The following STK17A variants were observed in gnomAD, a reference collection of about 807,000 sequenced individuals.
STK17A encodes serine/threonine kinase 17a.
A neutral mutation model predicts 43.7 loss-of-function variants in STK17A; 26 were observed. The observed-to-expected ratio is 0.60, with a 90% confidence interval of 0.44 to 0.83. STK17A has a LOEUF of 0.83. STK17A is among the 40% of genes least tolerant of loss of function. STK17A has a pLI of 0.00. For synonymous variants in STK17A, 191 were observed against 182.5 expected (o/e 1.05, Z -0.38); for missense variants, 476 against 511.6 (o/e 0.93, Z 0.67).
At chr7:43,617,015 T>C (rs148963610) in intron 3 of STK17A, among the ~76,000 whole-genome samples, 10 of 152,360 alleles carry the variant, frequency 6.6e-5, no homozygotes, top group African/African-American at 2.4e-4. Context: ...AAGTTGAGAC[T>C]AGGCAAAGAA....
At chr7:43,615,101 T>C (rs758600534) in intron 3 of STK17A, among the ~76,000 whole-genome samples, 5 of 152,250 alleles carry the variant, frequency 3.3e-5, no homozygotes, top group Non-Finnish European at 5.9e-5. Flanking sequence ...TATGTATCAC[T>C]GAACCAAAGC....
At chr7:43,600,589 G>C (rs536429714) in intron 2 of STK17A, among the ~76,000 whole-genome samples, 1 of 152,134 alleles carries the variant, frequency 6.6e-6, no homozygotes, top group Admixed American at 6.5e-5. Flanking sequence ...TTTAAAATAA[G>C]TTGTGAATTT....
chr7:43,614,613 GC>G (rs2083180311), intron 3 of STK17A, among the ~76,000 whole-genome samples: 1 of 152,144 alleles, frequency 6.6e-6, no homozygotes, highest in South Asian at 2.1e-4. Flanking sequence ...TCAAAATTGG[GC>G]ACAGTTAGTT....
rs2084605796 is a variant in STK17A at position 43,626,866 on chromosome 7, T to G, written c.*2024T>G. On this transcript the variant is annotated 3_prime_UTR_variant, in exon 7 of 7. Coordinates refer to ENST00000319357, the MANE Select transcript of STK17A (RefSeq NM_004760.3). ...TGCGTATCTTTAGCTGCTGTTGTGC[T>G]TAAATACTGAGTCATAGGGTGCTTT... is the stretch of plus-strand genomic sequence containing the variant. 1 of 152,250 alleles carries G rather than the reference T, an allele frequency of 6.6e-6. No individual in the cohort carries two copies. The highest frequency in any genetic ancestry group is 1.5e-5 in the Non-Finnish European group (1 of 68,042). 9.4% of individuals were successfully genotyped at this position (152,250 alleles called of 1,614,324 possible).
At chr7:43,601,650 T>A (rs1419424644) in intron 2 of STK17A, among the ~76,000 whole-genome samples, 24 of 152,174 alleles carry the variant, frequency 1.6e-4, no homozygotes. Context: ...TTCTCCTCTT[T>A]AGTAGTTAAT....
chr7:43,604,248 G>A (rs2082574509), intron 2 of STK17A, among the ~76,000 whole-genome samples: 1 of 152,044 alleles, frequency 6.6e-6, no homozygotes, highest in African/African-American at 2.4e-5. Context: ...ATTACAAATA[G>A]CAGAGCCAGA....
At chr7:43,620,000 G>C (rs2083713508) in intron 4 of STK17A, among the ~76,000 whole-genome samples, 1 of 152,192 alleles carries the variant, frequency 6.6e-6, no homozygotes, top group African/African-American at 2.4e-5. Context: ...AACAAAGTAG[G>C]ATATTAGCTT....
chr7:43,615,160 G>C (rs547886665), intron 3 of STK17A, among the ~76,000 whole-genome samples: 11 of 152,170 alleles, frequency 7.2e-5, no homozygotes, highest in Non-Finnish European at 1.5e-4. Context: ...GGTTACTATA[G>C]TTTTTGTTTT....
chr7:43,590,597 G>GT (rs1008514966), intron 1 of STK17A, among the ~76,000 whole-genome samples: 1 of 151,472 alleles, frequency 6.6e-6, no homozygotes, highest in Non-Finnish European at 1.5e-5. Flanking sequence ...AAATATAGAT[G>GT]TTTTTGAAAT....
At position 43,583,405 on chromosome 7, in the gene STK17A, C is replaced by T; in HGVS notation, c.162C>T (p.Pro54=). The part of the protein sequence containing the change: ...TEIRAVVRTE[P]FQDGYSLCPG... ...TACGCGCCGTGGTGCGCACCGAGCCCTTCCAGGACGGCTACAGCCTGTGCC... is the reference window on the plus strand; with the variant it reads ...TACGCGCCGTGGTGCGCACCGAGCCTTTCCAGGACGGCTACAGCCTGTGCC... Residue 54 remains proline, a synonymous_variant, in exon 1 of 7, where the codon CCC becomes CCT. Coordinates refer to ENST00000319357, the MANE Select transcript of STK17A (RefSeq NM_004760.3). The T allele has an allele frequency of 2.1e-6, 3 of 1,436,550 alleles. No homozygotes were observed. The highest frequency in any genetic ancestry group is 3.1e-5 in the East Asian group (1 of 32,640). The allele number at this position is 1,436,550 out of a possible 1,614,324, so 89.0% of individuals were successfully genotyped here.
At chr7:43,608,121 T>C in intron 2 of STK17A, 135 bp from the exon 3 acceptor site, 1 of 900,880 alleles carries the variant, frequency 1.1e-6, no homozygotes, top group South Asian at 1.9e-5. Context: ...ATCTCTATTT[T>C]TCAAAATAAA....
At chr7:43,590,294 G>C (rs1383768485) in intron 1 of STK17A, among the ~76,000 whole-genome samples, 6 of 151,300 alleles carry the variant, frequency 4.0e-5, no homozygotes, top group Admixed American at 4.0e-4. Flanking sequence ...ATAGGTTCCA[G>C]TTTTAAGCCT....
intron 1 of STK17A, among the ~76,000 whole-genome samples, chr7:43,586,097 A>G (rs2082437215): frequency 6.6e-6 from 1 of 151,614 alleles, no homozygotes; most frequent in Admixed American, 6.6e-5. Flanking sequence ...TGCATTTCTG[A>G]TATAACTAAT....
intron 3 of STK17A, among the ~76,000 whole-genome samples, chr7:43,610,760 G>T (rs1435882158): frequency 2.0e-5 from 3 of 152,004 alleles, no homozygotes; most frequent in African/African-American, 4.8e-5. Flanking sequence ...ATTCATATAT[G>T]TATATATTTA....
intron 3 of STK17A, among the ~76,000 whole-genome samples, chr7:43,618,533 A>C (rs1475678064): frequency 6.6e-6 from 1 of 152,198 alleles, no homozygotes; most frequent in South Asian, 2.1e-4. Flanking sequence ...GTAATTTACC[A>C]GTGTTTCTCA....
At chr7:43,592,541 G>A (rs1223053542) in intron 1 of STK17A, among the ~76,000 whole-genome samples, 1 of 152,050 alleles carries the variant, frequency 6.6e-6, no homozygotes, top group Non-Finnish European at 1.5e-5. Flanking sequence ...CTAGATCAAA[G>A]CCTAGAAGTT....
chr7:43,627,133 TC>T lies in STK17A; in HGVS notation c.*2292del, dbSNP rs1022920716. The stretch of plus-strand genomic sequence containing the variant: ...TTATAAATCCAGTTTTAACTATAAT[TC>T]AACAATATTTTGGTGTGGTGAAACG... On this transcript the variant is annotated 3_prime_UTR_variant, in exon 7 of 7. Coordinates refer to ENST00000319357, the MANE Select transcript of STK17A (RefSeq NM_004760.3). 6.6e-6 allele frequency among the ~76,000 whole-genome samples: 1 copy of T among 152,248 alleles called. No individual in the cohort carries two copies. Among genetic ancestry groups the T allele is most frequent in the African/African-American group, 2.4e-5 (1 of 41,466 alleles).
At chr7:43,586,766 G>C (rs1376734511) in intron 1 of STK17A, among the ~76,000 whole-genome samples, 1 of 151,114 alleles carries the variant, frequency 6.6e-6, no homozygotes, top group African/African-American at 2.4e-5. Context: ...TTTTTCTTAA[G>C]AAAAAAATAT....
At chr7:43,585,127 G>A (rs2082429702) in intron 1 of STK17A, among the ~76,000 whole-genome samples, 1 of 152,118 alleles carries the variant, frequency 6.6e-6, no homozygotes, top group Non-Finnish European at 1.5e-5. Flanking sequence ...AACCCGGGAG[G>A]CGGAGGTTGC....
Sources: allele counts gnomAD v4.1 joint callset (sites outside exome capture counted in the v4.1 genomes callset), GRCh38; gene constraint gnomAD v4.1.1; transcripts MANE v1.5; gene names NCBI Gene and HGNC (gene_info 2026-07-23, HGNC 2026-07-21).